CFAP44: variants seen among roughly 807,000 people sequenced by gnomAD.
CFAP44 encodes cilia and flagella associated protein 44.
CFAP44 carries 134 observed loss-of-function variants against 216.2 expected under a neutral mutation model. The observed-to-expected ratio is 0.62, with a 90% confidence interval of 0.54 to 0.72. CFAP44 has a LOEUF of 0.72. Among genes scored for constraint, CFAP44 ranks in the 30% least tolerant of loss-of-function variants. CFAP44 has a pLI of 0.00. For missense variants in CFAP44, 2,035 were observed against 2,182.1 expected, an observed-to-expected ratio of 0.93 and a Z score of 1.34; for synonymous variants, 700 against 727.6, an observed-to-expected ratio of 0.96 and a Z score of 0.61.
chr3:113,434,791 G>C (rs975247203), intron 1 of CFAP44: 1 of 152,162 alleles, frequency 6.6e-6, no homozygotes, highest in Non-Finnish European at 1.5e-5. Context: ...TGGGAATGAA[G>C]AAAAAACTTT....
chr3:113,344,342 C>A (rs530857237), intron 23 of CFAP44, among the ~76,000 whole-genome samples, 174 bp downstream of exon 23: 32 of 152,276 alleles, frequency 2.1e-4, no homozygotes, highest in African/African-American at 7.5e-4. Flanking sequence ...CTCAGCTATA[C>A]CATACACTTT....
intron 34 of CFAP44, among the ~76,000 whole-genome samples, chr3:113,292,618 C>T (rs1461469637): frequency 6.6e-6 from 1 of 152,214 alleles, no homozygotes; most frequent in Non-Finnish European, 1.5e-5. Context: ...TCCAGTTTTA[C>T]AGATAAGGAC....
intron 5 of CFAP44, among the ~76,000 whole-genome samples, chr3:113,419,545 T>A (rs1055200776): frequency 6.6e-6 from 1 of 152,214 alleles, no homozygotes; most frequent in East Asian, 1.9e-4. Context: ...GAAACAAACA[T>A]GATAGTATCT....
intron 15 of CFAP44, among the ~76,000 whole-genome samples, chr3:113,387,640 G>A (rs1933684816): frequency 6.6e-6 from 1 of 152,058 alleles, no homozygotes; most frequent in African/African-American, 2.4e-5. Flanking sequence ...TATGAGGAAG[G>A]ACTCCTTCTG....
intron 23 of CFAP44, among the ~76,000 whole-genome samples, chr3:113,343,059 C>CTTTTTTTTTTT (rs397990837): frequency 2.8e-5 from 3 of 106,766 alleles, no homozygotes; most frequent in Non-Finnish European, 5.5e-5. Context: ...TTCTTTCTTT[C>CTTTTTTTTTTT]TTTTTTTTTT....
At chr3:113,390,239 C>A (rs1475461346) in intron 15 of CFAP44, among the ~76,000 whole-genome samples, 1 of 152,054 alleles carries the variant, frequency 6.6e-6, no homozygotes, top group Non-Finnish European at 1.5e-5. Context: ...GAATGAAGGA[C>A]AAAAATCACA....
chr3:113,336,540 T>C (rs1950283252), intron 24 of CFAP44, among the ~76,000 whole-genome samples: 1 of 152,004 alleles, frequency 6.6e-6, no homozygotes, highest in African/African-American at 2.4e-5. Flanking sequence ...GATAGCACTA[T>C]AACAACAAAA....
intron 28 of CFAP44, among the ~76,000 whole-genome samples, chr3:113,308,984 G>A (rs1260025406): frequency 6.6e-6 from 1 of 152,186 alleles, no homozygotes; most frequent in Admixed American, 6.5e-5. Context: ...GAATATTCAT[G>A]TTTTGCTGCA....
At chr3:113,366,376 T>G in intron 18 of CFAP44, 67 bp from the exon 19 acceptor site, 1 of 1,534,678 alleles carries the variant, frequency 6.5e-7, no homozygotes, top group Non-Finnish European at 8.8e-7. Context: ...TTCAACTTAA[T>G]TGACAAGTGG....
intron 2 of CFAP44, 103 bp from the exon 3 acceptor site, chr3:113,427,442 T>C (rs2107405805): frequency 1.2e-6 from 1 of 809,378 alleles, no homozygotes; most frequent in Non-Finnish European, 1.9e-6. Flanking sequence ...ATGTAATAAA[T>C]CTAATACATA....
At chr3:113,326,375 T>C in intron 28 of CFAP44, 70 bp downstream of exon 28, 1 of 1,346,930 alleles carries the variant, frequency 7.4e-7, no homozygotes, top group South Asian at 1.7e-5. Flanking sequence ...ATCTAATAGG[T>C]CCCTTAGTTA....
At chr3:113,296,660 T>C in intron 33 of CFAP44, 65 bp downstream of exon 33, 1 of 1,509,534 alleles carries the variant, frequency 6.6e-7, no homozygotes, top group South Asian at 1.2e-5. Flanking sequence ...TACCACTTCC[T>C]GCTCCCTGGG....
intron 28 of CFAP44, among the ~76,000 whole-genome samples, chr3:113,319,874 G>T (rs768175154): frequency 6.6e-6 from 1 of 151,972 alleles, no homozygotes; most frequent in Non-Finnish European, 1.5e-5. Flanking sequence ...AATTAGAAAT[G>T]ACAAAGATGG....
rs191280298 is a variant in CFAP44, at chr3:113,292,667, T to G, written c.5374-919A>C. Among the ~76,000 whole-genome samples the G allele has an allele frequency of 1.2e-4, 19 of 152,352 alleles. No individual in the cohort carries two copies. The East Asian group carries it at 3.5e-3, about 28-fold the overall frequency. ...GAGTCATTAACTAGCCAAGTCAAGCTGGAAGCAGAGTTAGAAACAGGTTGC... is the reference window on the plus strand; with the variant it reads ...GAGTCATTAACTAGCCAAGTCAAGCGGGAAGCAGAGTTAGAAACAGGTTGC... On this transcript the variant is annotated intron_variant, in intron 34 of 34. Coordinates refer to ENST00000393845, the MANE Select transcript of CFAP44 (RefSeq NM_001164496.2).
intron 5 of CFAP44, among the ~76,000 whole-genome samples, chr3:113,418,805 A>G (rs1934725425): frequency 1.3e-5 from 2 of 152,012 alleles, no homozygotes; most frequent in Admixed American, 1.3e-4. Flanking sequence ...TCCCAAGTTC[A>G]AGTGGTTCTC....
chr3:113,411,956 T>G (rs971076830), intron 6 of CFAP44, among the ~76,000 whole-genome samples: 2 of 151,788 alleles, frequency 1.3e-5, no homozygotes, highest in African/African-American at 4.8e-5. Context: ...TATTGGTGTA[T>G]AAGAATGCTT....
intron 28 of CFAP44, among the ~76,000 whole-genome samples, chr3:113,317,926 G>A (rs1950104066): frequency 6.6e-6 from 1 of 152,222 alleles, no homozygotes; most frequent in Admixed American, 6.5e-5. Flanking sequence ...CCCAGGAGTG[G>A]ACCTGGTGAG....
rs75384999 is a variant in CFAP44, at chr3:113,332,981, G to A, written c.3615+425C>T. Among the ~76,000 whole-genome samples, 1,621 of 152,200 alleles carry A rather than the reference G, an allele frequency of 0.011. 67 individuals are homozygous for A. In the East Asian group the frequency reaches 0.12, roughly 11 times the overall value. ...TAAGGAAAGCTCAAAGACAGAAGGA[G>A]TCTTCTGAGAAATGCTAACTCAACA... On this transcript the variant is annotated intron_variant, in intron 25 of 34. Transcript: ENST00000393845.
At chr3:113,314,888 T>C (rs1222646899) in intron 28 of CFAP44, among the ~76,000 whole-genome samples, 1 of 152,062 alleles carries the variant, frequency 6.6e-6, no homozygotes, top group Non-Finnish European at 1.5e-5. Context: ...ATAAATTATG[T>C]ATATATAATG....
Sources: allele counts gnomAD v4.1 joint callset (sites outside exome capture counted in the v4.1 genomes callset), GRCh38; gene constraint gnomAD v4.1.1; transcripts MANE v1.5; gene names NCBI Gene and HGNC (gene_info 2026-07-23, HGNC 2026-07-21).